The following CTIF variants were observed in gnomAD, a reference collection of about 807,000 sequenced individuals.
CTIF encodes CBP80/20-dependent translation initiation factor.
CTIF carries 21 observed loss-of-function variants against 66.0 expected under a neutral mutation model. That is an observed-to-expected ratio of 0.32 (90% CI 0.23 to 0.46). The LOEUF (loss-of-function observed/expected upper bound fraction) is 0.46, where lower values mean the gene tolerates loss of function less well. Among genes scored for constraint, CTIF ranks in the 20% least tolerant of loss-of-function variants. The pLI, the probability that CTIF is intolerant of heterozygous loss-of-function variation, is 1.00. For synonymous variants in CTIF, 345 were observed against 326.4 expected (o/e 1.06, Z -0.62); for missense variants, 739 against 812.7 (o/e 0.91, Z 1.10).
At chr18:48,666,473 A>T (rs949124355) in intron 5 of CTIF, among the ~76,000 whole-genome samples, 1 of 151,940 alleles carries the variant, frequency 6.6e-6, no homozygotes, top group Non-Finnish European at 1.5e-5. Context: ...ACACCATCCA[A>T]CCCCTAGTTC....
intron 3 of CTIF, among the ~76,000 whole-genome samples, chr18:48,663,441 G>A (rs936748803): frequency 2.0e-5 from 3 of 152,170 alleles, no homozygotes; most frequent in African/African-American, 4.8e-5. Context: ...GGCTGGCAGT[G>A]GTGATGGTGG....
chr18:48,820,466 C>T (rs894011493), intron 10 of CTIF, among the ~76,000 whole-genome samples: 1 of 152,104 alleles, frequency 6.6e-6, no homozygotes, highest in Non-Finnish European at 1.5e-5. Context: ...ATCCACAGCA[C>T]CCACTTTGCC....
At position 48,619,727 on chromosome 18, in the gene CTIF, C is replaced by G. The variant is rs578171458; in HGVS notation, c.162C>G (p.Thr54=). The G allele has an allele frequency of 6.3e-7, 1 of 1,599,772 alleles. No individual in the cohort carries two copies. Residue 54 remains threonine (T), a synonymous_variant, in exon 2 of 12, where the codon ACC becomes ACG. Coordinates refer to ENST00000256413, the MANE Select transcript of CTIF (RefSeq NM_014772.3). ...KTEGDGESER[T]QSHISQWTAD... Reference sequence around the variant, plus strand: ...AGGGTGATGGCGAGAGCGAGAGGACCCAGTCCCACATCTCCCAGGTGAGCG... The same window carrying G: ...AGGGTGATGGCGAGAGCGAGAGGACGCAGTCCCACATCTCCCAGGTGAGCG...
At chr18:48,569,465 A>G (rs1249141909) in intron 1 of CTIF, among the ~76,000 whole-genome samples, 1 of 152,118 alleles carries the variant, frequency 6.6e-6, no homozygotes, top group East Asian at 1.9e-4. Flanking sequence ...TAAATGAAAA[A>G]AAAACAAAAA....
intron 7 of CTIF, among the ~76,000 whole-genome samples, chr18:48,743,047 A>C (rs767915349): frequency 6.6e-6 from 1 of 152,266 alleles, no homozygotes; most frequent in Non-Finnish European, 1.5e-5. Context: ...CAGTTGGTTA[A>C]AGGCAGGAAG....
At chr18:48,840,650 G>C (rs2068918617) in intron 10 of CTIF, among the ~76,000 whole-genome samples, 1 of 152,092 alleles carries the variant, frequency 6.6e-6, no homozygotes, top group Admixed American at 6.5e-5. Flanking sequence ...TCCTCCAATG[G>C]GTGGCTGCTC....
intron 1 of CTIF, among the ~76,000 whole-genome samples, chr18:48,570,528 C>T (rs73441465): frequency 0.12 from 17,837 of 152,132 alleles, 1,784 homozygotes; most frequent in African/African-American, 0.27. Flanking sequence ...CAGACATCCA[C>T]GCACACACTG....
At chr18:48,777,446 A>T (rs1453284953) in intron 9 of CTIF, among the ~76,000 whole-genome samples, 4 of 152,180 alleles carry the variant, frequency 2.6e-5, no homozygotes, top group African/African-American at 7.2e-5. Context: ...TGAGAGTTGG[A>T]CTAGAACCCA....
chr18:48,616,503 C>G (rs1489878797), intron 1 of CTIF, among the ~76,000 whole-genome samples: 1 of 152,172 alleles, frequency 6.6e-6, no homozygotes, highest in African/African-American at 2.4e-5. Flanking sequence ...GGAGAGAAGG[C>G]AGTTGGGGTA....
chr18:48,849,020 G>C (rs973022968), intron 10 of CTIF, among the ~76,000 whole-genome samples: 1 of 152,026 alleles, frequency 6.6e-6, no homozygotes, highest in African/African-American at 2.4e-5. Flanking sequence ...CCACATCCCC[G>C]TCAGTGCCAG....
intron 7 of CTIF, among the ~76,000 whole-genome samples, chr18:48,724,560 C>A (rs1394054432): frequency 2.6e-5 from 4 of 152,208 alleles, no homozygotes; most frequent in Non-Finnish European, 5.9e-5. Context: ...CCTTCCTACT[C>A]CTCCACCCCT....
Position 48,859,991 on chromosome 18 carries a change from G to A in CTIF, c.*432G>A, listed in dbSNP as rs141179242. 9 of 460,118 alleles carry A rather than the reference G, an allele frequency of 2.0e-5. No homozygotes were observed. The highest frequency in any genetic ancestry group is 1.2e-4 in the African/African-American group (6 of 50,258). 28.5% of individuals were successfully genotyped at this position (460,118 alleles called of 1,614,324 possible). ...AAGGCTGAAAAAGTGGGTCGGAGAC[G>A]GGCTCGCATTGTTCCCGCATGCTGT... On this transcript the variant is annotated 3_prime_UTR_variant, in exon 12 of 12. Coordinates refer to ENST00000256413, the MANE Select transcript of CTIF (RefSeq NM_014772.3).
intron 1 of CTIF, among the ~76,000 whole-genome samples, chr18:48,546,953 T>G (rs1219679434): frequency 3.3e-5 from 5 of 152,188 alleles, no homozygotes; most frequent in Non-Finnish European, 4.4e-5. Flanking sequence ...AGAGAGAAAT[T>G]AGCATGTAAA....
intron 2 of CTIF, among the ~76,000 whole-genome samples, chr18:48,626,190 T>C (rs11665131): frequency 0.15 from 23,049 of 151,518 alleles, 1,892 homozygotes; most frequent in South Asian, 0.26. Context: ...TTAGTAAAGA[T>C]GGGGTTTCAC....
At position 48,761,620 on chromosome 18, in the gene CTIF, C is replaced by T; in HGVS notation, c.1302C>T (p.Leu434=). 1 of 1,614,226 alleles carries T rather than the reference C, an allele frequency of 6.2e-7. No individual in the cohort carries two copies. The highest frequency in any genetic ancestry group is 8.5e-7 in the Non-Finnish European group (1 of 1,180,046). ...GCTTCGCCTTCACCGCTGCCAAGCT[C>T]TGCGACAAGATGGCGCTCTTTATGG... ...DRSFAFTAAK[L]CDKMALFMVE... Residue 434 remains leucine (L), a synonymous_variant, in exon 9 of 12, where the codon CTC becomes CTT. Coordinates refer to ENST00000256413, the MANE Select transcript of CTIF (RefSeq NM_014772.3). The surrounding 1 kb of genome is among the most constrained non-coding windows in gnomAD (Gnocchi z 4.2).
At chr18:48,777,792 G>T (rs1355220707) in intron 9 of CTIF, among the ~76,000 whole-genome samples, 1 of 152,256 alleles carries the variant, frequency 6.6e-6, no homozygotes, top group African/African-American at 2.4e-5. Flanking sequence ...TGCAGTAGGG[G>T]TGGACAGAGG....
rs191117387 is a variant in CTIF at position 48,817,238 on chromosome 18, C to G, written c.1389C>G (p.Arg463=). The change falls in exon 10 of 12, where the codon CGC becomes CGG. Residue 463 remains arginine (R), a synonymous_variant. Transcript: ENST00000256413. ...LNMLQKDFTV[R]EELQQQDVER... ...CTCCACAGAAGGACTTCACGGTGCG[C>G]GAGGAGCTGCAGCAGCAGGACGTGG... 6.2e-7 allele frequency: 1 copy of G among 1,613,782 alleles called. No homozygotes were observed. The highest frequency in any genetic ancestry group is 1.7e-5 in the Admixed American group (1 of 60,020).
intron 7 of CTIF, among the ~76,000 whole-genome samples, chr18:48,713,052 A>C (rs1052714129): frequency 1.3e-5 from 2 of 152,214 alleles, no homozygotes; most frequent in Admixed American, 1.3e-4. Context: ...TGCCTTGACC[A>C]GAGTACAGTT....
chr18:48,736,370 G>A (rs191837169), intron 7 of CTIF, among the ~76,000 whole-genome samples: 1 of 152,302 alleles, frequency 6.6e-6, no homozygotes, highest in East Asian at 1.9e-4. Context: ...CCATGTCTCT[G>A]GGGTTTGGGG....
Sources: allele counts gnomAD v4.1 joint callset (sites outside exome capture counted in the v4.1 genomes callset), GRCh38; gene constraint gnomAD v4.1.1; non-coding constraint Gnocchi (gnomAD v3.1); transcripts MANE v1.5; gene names NCBI Gene and HGNC (gene_info 2026-07-23, HGNC 2026-07-21).